PLA2G7: variants seen among roughly 807,000 people sequenced by gnomAD.
The protein encoded by PLA2G7 is platelet-activating factor acetylhydrolase.
In PLA2G7, 63 loss-of-function variants were observed where a neutral mutation model predicts 49.6. That is an observed-to-expected ratio of 1.27 (90% confidence interval 1.04 to 1.57). The LOEUF is 1.57. Among genes scored for constraint, PLA2G7 ranks in the 40% most tolerant of loss-of-function variants. PLA2G7 has a pLI of 0.00. For missense variants in PLA2G7, 596 were observed against 521.2 expected (o/e 1.14, Z -1.40); for synonymous variants, 193 against 169.9 (o/e 1.14, Z -1.06).
At chr6:46,724,556 T>C (rs1269377326) in intron 1 of PLA2G7, among the ~76,000 whole-genome samples, 1 of 152,244 alleles carries the variant, frequency 6.6e-6, no homozygotes, top group African/African-American at 2.4e-5. Context: ...TCCCTACATT[T>C]CTTAGCCGCC....
chr6:46,726,025 T>C (rs553485400), intron 1 of PLA2G7, among the ~76,000 whole-genome samples: 5 of 152,198 alleles, frequency 3.3e-5, no homozygotes, highest in African/African-American at 4.8e-5. Flanking sequence ...GACTGGACAG[T>C]AAGGGTAAGC....
At chr6:46,713,819 T>C (rs1765111658) in intron 5 of PLA2G7, among the ~76,000 whole-genome samples, 1 of 152,116 alleles carries the variant, frequency 6.6e-6, no homozygotes, top group South Asian at 2.1e-4. Context: ...ATCACCATGG[T>C]CAAGTGGAAG....
chr6:46,728,267 A>C (rs1015027433), intron 1 of PLA2G7, among the ~76,000 whole-genome samples: 11 of 152,180 alleles, frequency 7.2e-5, no homozygotes, highest in Non-Finnish European at 1.3e-4. Flanking sequence ...CCCCAAGAAG[A>C]CACTTATTAA....
chr6:46,725,035 T>C (rs1765526465), intron 1 of PLA2G7, among the ~76,000 whole-genome samples: 1 of 152,212 alleles, frequency 6.6e-6, no homozygotes, highest in South Asian at 2.1e-4. Context: ...GACTAGCATA[T>C]ATTAACAATA....
intron 1 of PLA2G7, among the ~76,000 whole-genome samples, chr6:46,724,517 C>A (rs1765511535): frequency 6.6e-6 from 1 of 152,224 alleles, no homozygotes; most frequent in South Asian, 2.1e-4. Context: ...GTGGCACAGA[C>A]AATGAGTGCT....
intron 9 of PLA2G7, among the ~76,000 whole-genome samples, chr6:46,708,538 GTATT>G (rs943959538): frequency 2.6e-5 from 4 of 152,046 alleles, no homozygotes; most frequent in Non-Finnish European, 5.9e-5. Context: ...ACCTTGTAGT[GTATT>G]TATTATAGCT....
At chr6:46,714,857 T>C (rs577041960) in intron 4 of PLA2G7, among the ~76,000 whole-genome samples, 1 of 150,658 alleles carries the variant, frequency 6.6e-6, no homozygotes, top group South Asian at 2.1e-4. Flanking sequence ...TGCCTCAGCC[T>C]CCCGATTAGC....
intron 8 of PLA2G7, among the ~76,000 whole-genome samples, chr6:46,710,260 AAAT>A (rs765362268): frequency 1.3e-5 from 2 of 152,202 alleles, no homozygotes; most frequent in East Asian, 1.9e-4. Context: ...GCTGTCCATG[AAAT>A]AATAATACTT....
At chr6:46,709,815 C>T (rs748283662) in intron 8 of PLA2G7, among the ~76,000 whole-genome samples, 1 of 152,018 alleles carries the variant, frequency 6.6e-6, no homozygotes, top group Non-Finnish European at 1.5e-5. Flanking sequence ...GTTTGCAGTC[C>T]ATCAGGGAAG....
At position 46,716,528 on chromosome 6, in the gene PLA2G7, C is replaced by G; in HGVS notation, c.232G>C (p.Gly78Arg). The G allele has an allele frequency of 6.2e-7, 1 of 1,613,404 alleles. No homozygotes were observed. The highest frequency in any genetic ancestry group is 8.5e-7 in the Non-Finnish European group (1 of 1,179,550). Residue 78 changes from glycine (G) to arginine (R), a missense_variant and splice_region_variant, in exon 4 of 12, where the codon GGC (glycine) becomes CGC (arginine). Coordinates refer to ENST00000274793, the MANE Select transcript of PLA2G7 (RefSeq NM_005084.4). The part of the protein sequence containing the change: ...TDLMFDHTNK[G>R]TFLRLYYPSQ... ...GGATAATATAAACGCAAGAAGGTGC[C>G]CTGTTAAGAAAGAAATTAATGCACT...
At chr6:46,725,961 CTG>C (rs1265405165) in intron 1 of PLA2G7, among the ~76,000 whole-genome samples, 2 of 152,212 alleles carry the variant, frequency 1.3e-5, no homozygotes, top group African/African-American at 4.8e-5. Flanking sequence ...ACAGGGGAAA[CTG>C]TCTATTTTTA....
rs546273632 is a variant in PLA2G7 at position 46,724,670 on chromosome 6, C to A, written c.-34-1745G>T. Among the ~76,000 whole-genome samples the A allele has an allele frequency of 1.2e-3, 184 of 152,306 alleles. 1 individual carries two copies. The highest frequency in any genetic ancestry group is 2.5e-3 in the South Asian group (12 of 4,824). ...TGTATCTCCTTCATGCCTTCCTTTC[C>A]CTGACACAGCAAACTTAGAAATCAT... On this transcript the variant is annotated intron_variant, in intron 1 of 11. Transcript: ENST00000274793.
In PLA2G7 at chr6:46,709,190, T is replaced by C. The variant is rs1342515970; in HGVS notation, c.869+137A>G. On this transcript the variant is annotated intron_variant, in intron 9 of 11. Transcript: ENST00000274793. ...CTAGGAAAATGTATATAGAGTATTT[T>C]ATGGGGGCAAAAGAATAGCCTTATA... is the stretch of plus-strand genomic sequence containing the variant. 4 of 636,990 alleles carry C rather than the reference T, an allele frequency of 6.3e-6. No homozygotes were observed. The East Asian group carries it at 1.1e-4, about 18-fold the overall frequency. 39.5% of individuals were successfully genotyped at this position (636,990 alleles called of 1,614,324 possible).
At chr6:46,706,811 T>TA (rs1363291475) in intron 10 of PLA2G7, among the ~76,000 whole-genome samples, 1 of 152,332 alleles carries the variant, frequency 6.6e-6, no homozygotes, top group African/African-American at 2.4e-5. Flanking sequence ...GAGTTGCACA[T>TA]ACACATAAGC....
chr6:46,732,311 C>G (rs1765757880), intron 1 of PLA2G7, among the ~76,000 whole-genome samples: 1 of 151,852 alleles, frequency 6.6e-6, no homozygotes, highest in Non-Finnish European at 1.5e-5. Context: ...GCAGAGAAGT[C>G]TCTCCTCACA....
intron 1 of PLA2G7, among the ~76,000 whole-genome samples, chr6:46,723,878 C>T (rs1410635631): frequency 6.6e-6 from 1 of 152,178 alleles, no homozygotes; most frequent in Non-Finnish European, 1.5e-5. Context: ...TAATGATCTA[C>T]ATAACCTTTA....
chr6:46,723,836 C>T (rs533528302), intron 1 of PLA2G7, among the ~76,000 whole-genome samples: 55 of 152,244 alleles, frequency 3.6e-4, no homozygotes, highest in African/African-American at 1.0e-3. Context: ...TTATATGTTA[C>T]GGGGGAGAAG....
chr6:46,720,557 C>T (rs938121320), intron 2 of PLA2G7, among the ~76,000 whole-genome samples: 3 of 152,160 alleles, frequency 2.0e-5, no homozygotes, highest in Non-Finnish European at 4.4e-5. Context: ...GCTCCATAGC[C>T]TACAGCTGAC....
chr6:46,723,860 A>G (rs1765483666), intron 1 of PLA2G7, among the ~76,000 whole-genome samples: 1 of 152,156 alleles, frequency 6.6e-6, no homozygotes, highest in Non-Finnish European at 1.5e-5. Context: ...TTCACCCAAA[A>G]TAGCTTATAA....
Sources: gnomAD v4.1 joint callset for allele counts (sites outside exome capture counted in the v4.1 genomes callset) on GRCh38, gnomAD v4.1.1 for gene constraint, MANE v1.5 for transcripts, NCBI Gene and HGNC (gene_info 2026-07-23, HGNC 2026-07-21) for gene names.